The following LRMDA variants were observed in gnomAD, a reference collection of about 807,000 sequenced individuals.
LRMDA encodes the protein leucine-rich melanocyte differentiation-associated protein.
Under a neutral mutation model 29.8 loss-of-function variants are expected in LRMDA, and 18 were observed. The ratio of observed to expected loss-of-function variants is 0.60; its 90% CI spans 0.42 to 0.90. The LOEUF is 0.90. LRMDA is among the 40% of genes least tolerant of loss of function. LRMDA has a pLI of 0.00. For missense variants in LRMDA, 273 were observed against 273.9 expected (o/e 1.00, Z 0.02); for synonymous variants, 125 against 109.4 (o/e 1.14, Z -0.89).
chr10:75,572,968 A>G (rs1001636302), intron 2 of LRMDA, among the ~76,000 whole-genome samples: 1 of 152,246 alleles, frequency 6.6e-6, no homozygotes, highest in African/African-American at 2.4e-5. Context: ...CCCTCATCAG[A>G]AACCAAATTT....
At chr10:75,456,367 A>G (rs7924237) in intron 2 of LRMDA, among the ~76,000 whole-genome samples, 69,397 of 152,224 alleles carry the variant, frequency 0.46, 17,299 homozygotes, top group Non-Finnish European at 0.55. Context: ...AAGGGGAGGA[A>G]CCAAAACTTG....
At chr10:76,057,928 A>G (rs906400407) in intron 4 of LRMDA, among the ~76,000 whole-genome samples, 3 of 152,222 alleles carry the variant, frequency 2.0e-5, no homozygotes, top group African/African-American at 7.2e-5. Flanking sequence ...TGTCAACTCC[A>G]TATATACCTA....
chr10:75,854,153 G>A (rs1279436666), intron 2 of LRMDA, among the ~76,000 whole-genome samples: 3 of 152,264 alleles, frequency 2.0e-5, no homozygotes, highest in South Asian at 2.1e-4. Flanking sequence ...GAGCTCATGC[G>A]AATGAGTGGC....
chr10:76,364,015 C>T lies in LRMDA; in HGVS notation c.601+39530C>T, dbSNP rs114365373. 5.6e-3 allele frequency among the ~76,000 whole-genome samples: 854 copies of T among 152,102 alleles called. 5 individuals carry two copies. Among genetic ancestry groups the T allele is most frequent in the African/African-American group, 0.019 (788 of 41,488 alleles). On this transcript the variant is annotated intron_variant, in intron 6 of 6. Transcript: ENST00000611255. ...AAAGGGATAATGATTGCATGATTTC[C>T]ATATTTATAGGGTTGTTGATGGCTT...
chr10:75,934,378 G>A (rs183876436), intron 2 of LRMDA, among the ~76,000 whole-genome samples: 7 of 152,200 alleles, frequency 4.6e-5, no homozygotes, highest in African/African-American at 1.4e-4. Flanking sequence ...TTTGCCTTGG[G>A]TGTCTTTATG....
At chr10:75,711,407 A>G (rs1456674273) in intron 2 of LRMDA, among the ~76,000 whole-genome samples, 1 of 152,148 alleles carries the variant, frequency 6.6e-6, no homozygotes, top group Admixed American at 6.5e-5. Flanking sequence ...CTTTGCAGGT[A>G]CCTCCCAAAT....
intron 2 of LRMDA, among the ~76,000 whole-genome samples, chr10:75,457,942 A>C (rs925258620): frequency 6.6e-6 from 1 of 152,202 alleles, no homozygotes; most frequent in Non-Finnish European, 1.5e-5. Context: ...GCTCAGAGTC[A>C]TTGTTGGAGA....
intron 5 of LRMDA, among the ~76,000 whole-genome samples, chr10:76,133,085 T>C (rs1197117085): frequency 6.7e-6 from 1 of 148,618 alleles, no homozygotes; most frequent in African/African-American, 2.5e-5. Flanking sequence ...CCTCCCAAAG[T>C]GCTGGGATTA....
At chr10:75,479,293 G>C (rs1844831375) in intron 2 of LRMDA, among the ~76,000 whole-genome samples, 1 of 152,074 alleles carries the variant, frequency 6.6e-6, no homozygotes, top group Admixed American at 6.6e-5. Flanking sequence ...GGATCACGAG[G>C]TCAGGAGATT....
At chr10:76,263,257 G>T (rs969854756) in intron 5 of LRMDA, among the ~76,000 whole-genome samples, 1 of 150,978 alleles carries the variant, frequency 6.6e-6, no homozygotes, top group East Asian at 1.9e-4. Context: ...ACCACAAAAG[G>T]AACTTCTAAC....
intron 6 of LRMDA, among the ~76,000 whole-genome samples, chr10:76,328,231 A>C (rs539445545): frequency 5.9e-5 from 9 of 152,340 alleles, no homozygotes; most frequent in African/African-American, 2.2e-4. Flanking sequence ...TATCTGTTGG[A>C]GAAATGTCCC....
chr10:76,042,683 ACT>A (rs1848361052), intron 3 of LRMDA, among the ~76,000 whole-genome samples: 1 of 152,160 alleles, frequency 6.6e-6, no homozygotes, highest in Non-Finnish European at 1.5e-5. Flanking sequence ...CTCTAGAGAA[ACT>A]TTTTTCCTGC....
At chr10:75,848,466 C>T (rs182986133) in intron 2 of LRMDA, among the ~76,000 whole-genome samples, 1 of 152,258 alleles carries the variant, frequency 6.6e-6, no homozygotes, top group East Asian at 1.9e-4. Flanking sequence ...TCTACCAGAG[C>T]CTGCTGTTTG....
chr10:75,452,415 T>C (rs913401721), intron 2 of LRMDA, among the ~76,000 whole-genome samples: 2 of 152,140 alleles, frequency 1.3e-5, no homozygotes, highest in African/African-American at 4.8e-5. Context: ...GGTCACATCA[T>C]AGCCTTGTTT....
chr10:76,132,040 C>G (rs1175919619), intron 5 of LRMDA, among the ~76,000 whole-genome samples: 1 of 152,160 alleles, frequency 6.6e-6, no homozygotes, highest in Non-Finnish European at 1.5e-5. Context: ...CTTGAATGCA[C>G]CATTCAGTGT....
intron 2 of LRMDA, among the ~76,000 whole-genome samples, chr10:75,797,545 ACT>A (rs1389673344): frequency 1.3e-5 from 2 of 152,108 alleles, no homozygotes; most frequent in African/African-American, 4.8e-5. Context: ...ATTTGCCGTC[ACT>A]CTCTATTCCT....
chr10:75,625,070 G>A (rs1221571086), intron 2 of LRMDA, among the ~76,000 whole-genome samples: 1 of 152,168 alleles, frequency 6.6e-6, no homozygotes, highest in Admixed American at 6.5e-5. Flanking sequence ...GAATCACATA[G>A]TTAGTCTCAG....
intron 2 of LRMDA, among the ~76,000 whole-genome samples, chr10:76,018,035 G>A (rs1847907875): frequency 6.6e-6 from 1 of 152,134 alleles, no homozygotes; most frequent in South Asian, 2.1e-4. Flanking sequence ...CACTGTGGGG[G>A]CTCCTTCCTA....
At chr10:75,804,003 C>G (rs957620645) in intron 2 of LRMDA, among the ~76,000 whole-genome samples, 1 of 152,186 alleles carries the variant, frequency 6.6e-6, no homozygotes, top group Non-Finnish European at 1.5e-5. Flanking sequence ...CATGTCCCAG[C>G]GCTGTTGTAC....
Sources: gnomAD v4.1 joint callset for allele counts (sites outside exome capture counted in the v4.1 genomes callset) on GRCh38, gnomAD v4.1.1 for gene constraint, MANE v1.5 for transcripts, NCBI Gene and HGNC (gene_info 2026-07-23, HGNC 2026-07-21) for gene names.